Variants in MBD2 observed in about 807,000 individuals in gnomAD.
MBD2 encodes methyl-CpG binding domain protein 2, also known as methyl-CpG-binding domain protein 2.
Under a neutral mutation model 39.3 loss-of-function variants are expected in MBD2, and 9 were observed. The observed-to-expected ratio is 0.23, with a 90% CI of 0.14 to 0.40. MBD2 has a LOEUF of 0.40. MBD2 is among the 10% of genes least tolerant of loss of function. The probability of loss-of-function intolerance (pLI) is 1.00; values close to 1 mark genes in which losing one functional copy is unlikely to be tolerated. For missense variants in MBD2, 458 were observed against 532.6 expected (o/e 0.86, Z 1.38); for synonymous variants, 233 against 211.1 (o/e 1.10, Z -0.90).
intron 1 of MBD2, among the ~76,000 whole-genome samples, chr18:54,216,043 G>A (rs1165656001): frequency 6.6e-6 from 1 of 151,734 alleles, no homozygotes; most frequent in East Asian, 1.9e-4. Flanking sequence ...CTGACCTCAG[G>A]TGATCCACCC....
intron 3 of MBD2, 115 bp from the exon 4 acceptor site, chr18:54,166,281 A>AT (rs373353846): frequency 1.5e-6 from 1 of 665,348 alleles, no homozygotes; most frequent in South Asian, 1.9e-5. Context: ...TAATTTCCTC[A>AT]TTTTTTCCTT....
intron 3 of MBD2, among the ~76,000 whole-genome samples, chr18:54,175,101 T>C (rs552573356): frequency 6.6e-6 from 1 of 152,266 alleles, no homozygotes; most frequent in Non-Finnish European, 1.5e-5. Context: ...TTAGCTCTCA[T>C]GTATTGTCTT....
At chr18:54,203,220 T>C (rs1280667445) in intron 2 of MBD2, 8 of 1,312,286 alleles carry the variant, frequency 6.1e-6, no homozygotes, top group Non-Finnish European at 8.4e-6. Context: ...ACTGTGGTTC[T>C]GGTAACAGTA....
chr18:54,184,700 A>T (rs139795692), intron 3 of MBD2, among the ~76,000 whole-genome samples: 14 of 152,336 alleles, frequency 9.2e-5, no homozygotes, highest in African/African-American at 2.6e-4. Context: ...TATGTCCAGC[A>T]TATGTTTCAT....
At chr18:54,214,833 G>A (rs892774821) in intron 1 of MBD2, among the ~76,000 whole-genome samples, 4 of 151,252 alleles carry the variant, frequency 2.6e-5, no homozygotes, top group Non-Finnish European at 4.4e-5. Flanking sequence ...TCCACGTCCC[G>A]GGTTCACGCC....
intron 6 of MBD2, among the ~76,000 whole-genome samples, chr18:54,156,097 A>G (rs1259939): frequency 0.84 from 128,545 of 152,198 alleles, 54,774 homozygotes; most frequent in East Asian, 1. Flanking sequence ...AGATGGCCAC[A>G]TCTCACCCTT....
In MBD2 at chr18:54,205,019, G is replaced by A. The variant is rs957878829; in HGVS notation, c.681C>T (p.Asn227=). ...CAACCTTATTTTGATTGAGAGGATC[G>A]TTTCGCAGTCTCTGTTTGTTCTTCT... is the stretch of plus-strand genomic sequence containing the variant. ...KLQKNKQRLR[N]DPLNQNKGKP... The change falls in exon 2 of 7, where the codon AAC becomes AAT. Residue 227 remains asparagine, a synonymous_variant. Transcript: ENST00000256429. 12 of 1,613,534 alleles carry A rather than the reference G, an allele frequency of 7.4e-6. No individual in the cohort carries two copies. The highest frequency in any genetic ancestry group is 2.2e-5 in the East Asian group (1 of 44,884).
At chr18:54,219,204 T>A (rs4940316) in intron 1 of MBD2, among the ~76,000 whole-genome samples, 44,748 of 152,054 alleles carry the variant, frequency 0.29, 7,717 homozygotes, top group East Asian at 0.56. Flanking sequence ...TATTCAAAAT[T>A]CCAGAAAAAG....
chr18:54,173,551 A>T (rs1224323745), intron 3 of MBD2, among the ~76,000 whole-genome samples: 1 of 152,226 alleles, frequency 6.6e-6, no homozygotes, highest in East Asian at 1.9e-4. Context: ...ATGTAATCTC[A>T]TCCTGAAACT....
chr18:54,192,551 A>G (rs2086328439), intron 2 of MBD2, among the ~76,000 whole-genome samples: 1 of 152,130 alleles, frequency 6.6e-6, no homozygotes, highest in South Asian at 2.1e-4. Flanking sequence ...ATAAAGAATG[A>G]TATACTCTGC....
chr18:54,176,657 A>G (rs959776951), intron 3 of MBD2, among the ~76,000 whole-genome samples: 1 of 152,226 alleles, frequency 6.6e-6, no homozygotes, highest in African/African-American at 2.4e-5. Flanking sequence ...TTTATTTCCA[A>G]TCAGCCCCAT....
chr18:54,187,822 T>G, intron 3 of MBD2: 1 of 985,880 alleles, frequency 1.0e-6, no homozygotes, highest in Non-Finnish European at 1.2e-6. Context: ...AAATATCTTC[T>G]GTTTTCCTGG....
At chr18:54,217,695 A>G (rs1390565522) in intron 1 of MBD2, among the ~76,000 whole-genome samples, 1 of 152,254 alleles carries the variant, frequency 6.6e-6, no homozygotes, top group African/African-American at 2.4e-5. Flanking sequence ...GAAAAAAATG[A>G]TGATATCTCA....
At chr18:54,221,292 C>A (rs1253977110) in intron 1 of MBD2, among the ~76,000 whole-genome samples, 2 of 151,804 alleles carry the variant, frequency 1.3e-5, no homozygotes, top group East Asian at 3.9e-4. Flanking sequence ...CCTGTCTCTA[C>A]TAAAAGATAC....
At chr18:54,220,327 T>C (rs543482140) in intron 1 of MBD2, among the ~76,000 whole-genome samples, 1 of 151,920 alleles carries the variant, frequency 6.6e-6, no homozygotes, top group African/African-American at 2.4e-5. Context: ...ACACACTAGA[T>C]GATAATATAT....
Position 54,224,268 on chromosome 18 carries a change from G to C in MBD2, c.292C>G (p.Pro98Ala), listed in dbSNP as rs1421181443. The change falls in exon 1 of 7, where the codon CCG becomes GCG. Residue 98 changes from proline (P) to alanine (A), a missense_variant. Around this residue, in one of 2 missense-constraint regions of MBD2, gnomAD observed 269 missense variants for 236.0 expected, o/e 1.14. Coordinates refer to ENST00000256429, the MANE Select transcript of MBD2 (RefSeq NM_003927.5). ...CCGCCAAGGCCGCTGCCGCCACTCG[G>C]GGGACGGCCGCGGCCCCGGCCCCGG... ...RGRGRGRGRP[P>A]SGGSGLGGDG... 1 of 952,922 alleles carries C rather than the reference G, an allele frequency of 1.0e-6. No individual in the cohort carries two copies. The highest frequency in any genetic ancestry group is 1.2e-4 in the East Asian group (1 of 8,498). The allele number at this position is 952,922 out of a possible 1,614,324, so 59.0% of individuals were successfully genotyped here.
chr18:54,170,558 A>G (rs1264250378), intron 3 of MBD2, among the ~76,000 whole-genome samples: 1 of 152,222 alleles, frequency 6.6e-6, no homozygotes, highest in African/African-American at 2.4e-5. Flanking sequence ...TCTTTAGTGA[A>G]GAACAAAAGA....
At chr18:54,218,817 C>A (rs980232720) in intron 1 of MBD2, among the ~76,000 whole-genome samples, 1 of 152,068 alleles carries the variant, frequency 6.6e-6, no homozygotes, top group Non-Finnish European at 1.5e-5. Flanking sequence ...CCAAAATTAG[C>A]CAGGCGTGGT....
At chr18:54,155,474 T>C (rs1214539612) in intron 6 of MBD2, among the ~76,000 whole-genome samples, 163 bp from the exon 7 acceptor site, 1 of 152,224 alleles carries the variant, frequency 6.6e-6, no homozygotes, top group East Asian at 1.9e-4. Flanking sequence ...AAATAAAAAG[T>C]GCTCAACATA....
Sources: allele counts gnomAD v4.1 joint callset (sites outside exome capture counted in the v4.1 genomes callset), GRCh38; gene constraint gnomAD v4.1.1; regional missense constraint gnomAD v4.1.1; transcripts MANE v1.5; gene names NCBI Gene and HGNC (gene_info 2026-07-23, HGNC 2026-07-21).